Variants in FGF14 observed in about 807,000 individuals in gnomAD.
The protein encoded by FGF14 is fibroblast growth factor 14.
Under a neutral mutation model 25.5 loss-of-function variants are expected in FGF14, and 5 were observed. That is an observed-to-expected ratio of 0.20 (90% confidence interval 0.10 to 0.41). The LOEUF (loss-of-function observed/expected upper bound fraction) is 0.41, where lower values mean the gene tolerates loss of function less well. FGF14 is among the 10% of genes least tolerant of loss of function. The probability of loss-of-function intolerance (pLI) is 1.00; values close to 1 mark genes in which losing one functional copy is unlikely to be tolerated. For synonymous variants in FGF14, 138 were observed against 118.3 expected (o/e 1.17, Z -1.08); for missense variants, 222 against 320.1 (o/e 0.69, Z 2.34).
intron 1 of FGF14, among the ~76,000 whole-genome samples, chr13:101,944,063 T>C (rs887445475): frequency 1.3e-4 from 20 of 150,220 alleles, no homozygotes; most frequent in African/African-American, 3.7e-4. Context: ...CAGACAATTA[T>C]GGTTGTGAGG....
Position 102,125,461 on chromosome 13 carries a change from A to G in FGF14, c.209-250165T>C, listed in dbSNP as rs75194590. On this transcript the variant is annotated intron_variant, in intron 1 of 4. Coordinates refer to the FGF14 transcript ENST00000376131. Reference sequence around the variant, plus strand: ...CCAATTCTCAAAGAGTAATAGACACAACGCTTCACCTACTGTTGTATAAAA... The same window carrying G: ...CCAATTCTCAAAGAGTAATAGACACGACGCTTCACCTACTGTTGTATAAAA... 7.6e-3 allele frequency among the ~76,000 whole-genome samples: 1,154 copies of G among 152,282 alleles called. 21 individuals carry two copies. The highest frequency in any genetic ancestry group is 0.026 in the African/African-American group (1,090 of 41,570).
intron 1 of FGF14, among the ~76,000 whole-genome samples, chr13:102,113,910 A>C (rs1277777222): frequency 1.3e-5 from 2 of 152,244 alleles, no homozygotes; most frequent in East Asian, 3.8e-4. Context: ...CAGAAATTCA[A>C]GAAAAGGCAT....
chr13:102,077,615 G>A (rs1157640056), intron 1 of FGF14, among the ~76,000 whole-genome samples: 2 of 152,022 alleles, frequency 1.3e-5, no homozygotes, highest in Non-Finnish European at 2.9e-5. Context: ...TTATTTTGGT[G>A]ATCAAAAAGA....
At chr13:102,321,702 T>A (rs919634173) in intron 1 of FGF14, among the ~76,000 whole-genome samples, 11 of 152,184 alleles carry the variant, frequency 7.2e-5, no homozygotes, top group African/African-American at 2.4e-4. Context: ...GGGTAGGGCA[T>A]ACCAAATACA....
intron 3 of FGF14, among the ~76,000 whole-genome samples, chr13:101,864,564 T>C (rs746300382): frequency 6.6e-6 from 1 of 152,122 alleles, no homozygotes; most frequent in Non-Finnish European, 1.5e-5. Flanking sequence ...GTACTTTTCT[T>C]GGCTTTCCAG....
chr13:102,290,951 T>C (rs528447841), intron 1 of FGF14, among the ~76,000 whole-genome samples: 10 of 152,308 alleles, frequency 6.6e-5, no homozygotes, highest in African/African-American at 2.4e-4. Flanking sequence ...ATAGTTTGAA[T>C]TGTTCTTTAG....
intron 1 of FGF14, among the ~76,000 whole-genome samples, chr13:102,190,112 T>C (rs1175535362): frequency 2.6e-5 from 4 of 152,162 alleles, no homozygotes; most frequent in Admixed American, 1.3e-4. Context: ...ATCCAATGGA[T>C]TTCACATCCT....
At chr13:102,069,845 C>T (rs921990025) in intron 1 of FGF14, among the ~76,000 whole-genome samples, 1 of 152,166 alleles carries the variant, frequency 6.6e-6, no homozygotes, top group Non-Finnish European at 1.5e-5. Context: ...CAACGGCTCA[C>T]GCCTATAATC....
intron 3 of FGF14, among the ~76,000 whole-genome samples, chr13:101,846,029 C>T (rs1284123008): frequency 6.6e-6 from 1 of 151,948 alleles, no homozygotes; most frequent in Non-Finnish European, 1.5e-5. Context: ...CAGTTACTTT[C>T]ATAGAAATTG....
At chr13:102,308,168 G>A (rs1437093917) in intron 1 of FGF14, among the ~76,000 whole-genome samples, 3 of 152,050 alleles carry the variant, frequency 2.0e-5, no homozygotes, top group Non-Finnish European at 4.4e-5. Flanking sequence ...CCAGACGTTG[G>A]ATCAAGCCAG....
chr13:101,853,760 AAATATTTTG>A (rs1265708814), intron 3 of FGF14, among the ~76,000 whole-genome samples: 1 of 152,004 alleles, frequency 6.6e-6, no homozygotes, highest in African/African-American at 2.4e-5. Flanking sequence ...ATGGCCATAT[AAATATTTTG>A]AATATTCCCA....
At chr13:101,740,920 G>C (rs1481847067) in intron 3 of FGF14, among the ~76,000 whole-genome samples, 3 of 152,126 alleles carry the variant, frequency 2.0e-5, no homozygotes, top group Non-Finnish European at 4.4e-5. Context: ...TAAGTTGAAA[G>C]ATAAAGAACT....
chr13:102,036,834 T>C (rs1232257631), intron 1 of FGF14, among the ~76,000 whole-genome samples: 1 of 152,140 alleles, frequency 6.6e-6, no homozygotes, highest in Non-Finnish European at 1.5e-5. Context: ...ATGAAGAATA[T>C]TAACTTAGAG....
At chr13:101,836,010 A>G (rs920068948) in intron 3 of FGF14, among the ~76,000 whole-genome samples, 3 of 152,056 alleles carry the variant, frequency 2.0e-5, no homozygotes, top group Non-Finnish European at 4.4e-5. Context: ...CATAGACCAG[A>G]TGCAGAATCC....
intron 3 of FGF14, among the ~76,000 whole-genome samples, chr13:101,819,119 T>C (rs945749407): frequency 5.3e-5 from 8 of 152,278 alleles, no homozygotes; most frequent in Middle Eastern, 3.4e-3. Flanking sequence ...AAGGTAGGGA[T>C]TGTTTATCCC....
chr13:102,075,891 T>TA (rs1222793032), intron 1 of FGF14, among the ~76,000 whole-genome samples: 2 of 151,838 alleles, frequency 1.3e-5, no homozygotes, highest in East Asian at 1.9e-4. Context: ...ATTTAAAAAG[T>TA]AAAAAAAGTA....
At chr13:101,852,047 A>G (rs1260643260) in intron 3 of FGF14, among the ~76,000 whole-genome samples, 1 of 152,126 alleles carries the variant, frequency 6.6e-6, no homozygotes, top group Admixed American at 6.6e-5. Context: ...ATAATCTGCT[A>G]GCGTAGAAAA....
chr13:101,851,530 C>T (rs1331226064), intron 3 of FGF14, among the ~76,000 whole-genome samples: 1 of 151,962 alleles, frequency 6.6e-6, no homozygotes, highest in Admixed American at 6.6e-5. Flanking sequence ...ACAATCTGGA[C>T]AAGGAAATAA....
chr13:102,368,125 C>G (rs549301926), intron 1 of FGF14: 2 of 152,092 alleles, frequency 1.3e-5, no homozygotes, highest in East Asian at 3.9e-4. Context: ...TTTGTGTGAG[C>G]GAAAAATAAA....
Sources: gnomAD v4.1 joint callset for allele counts (sites outside exome capture counted in the v4.1 genomes callset) on GRCh38, gnomAD v4.1.1 for gene constraint, MANE v1.5 for transcripts, NCBI Gene and HGNC (gene_info 2026-07-23, HGNC 2026-07-21) for gene names.